The following GRM8 variants were observed in gnomAD, a reference collection of about 807,000 sequenced individuals.
GRM8 encodes metabotropic glutamate receptor 8.
In GRM8, 47 loss-of-function variants were observed where a neutral mutation model predicts 87.2. The ratio of observed to expected loss-of-function variants is 0.54; its 90% CI spans 0.43 to 0.69. The LOEUF (loss-of-function observed/expected upper bound fraction) is 0.69, where lower values mean the gene tolerates loss of function less well. Among genes scored for constraint, GRM8 ranks in the 30% least tolerant of loss-of-function variants. The pLI is 0.00. For missense variants in GRM8, 1,019 were observed against 1,139.2 expected, an observed-to-expected ratio of 0.89 and a Z score of 1.52; for synonymous variants, 396 against 404.5, an observed-to-expected ratio of 0.98 and a Z score of 0.25.
At chr7:127,022,687 C>T (rs1429723277) in intron 3 of GRM8, among the ~76,000 whole-genome samples, 1 of 151,910 alleles carries the variant, frequency 6.6e-6, no homozygotes, top group African/African-American at 2.4e-5. Flanking sequence ...ATACTTTTTA[C>T]TAATCAAAAA....
intron 7 of GRM8, among the ~76,000 whole-genome samples, chr7:126,693,498 A>G (rs1248891974): frequency 6.6e-6 from 1 of 152,190 alleles, no homozygotes; most frequent in Admixed American, 6.5e-5. Flanking sequence ...GTGTATTAGC[A>G]TGGTCTCATT....
chr7:126,573,272 C>A (rs1358304194), intron 8 of GRM8, among the ~76,000 whole-genome samples: 2 of 152,010 alleles, frequency 1.3e-5, no homozygotes, highest in Non-Finnish European at 2.9e-5. Context: ...GGATAGAATG[C>A]CAGTGTTCAC....
intron 2 of GRM8, among the ~76,000 whole-genome samples, chr7:127,198,669 A>ATT (rs113555701): frequency 6.9e-6 from 1 of 144,540 alleles, no homozygotes; most frequent in Admixed American, 7.0e-5. Flanking sequence ...ATAGAAATGA[A>ATT]TTTTTTTTTT....
At chr7:126,697,339 G>A (rs1809495848) in intron 7 of GRM8, among the ~76,000 whole-genome samples, 1 of 152,100 alleles carries the variant, frequency 6.6e-6, no homozygotes, top group African/African-American at 2.4e-5. Flanking sequence ...GAGGACTACA[G>A]CTAATAATTT....
intron 7 of GRM8, among the ~76,000 whole-genome samples, chr7:126,682,658 C>T (rs1807729286): frequency 6.6e-6 from 1 of 152,224 alleles, no homozygotes; most frequent in African/African-American, 2.4e-5. Context: ...TACCTATTGT[C>T]TATGGCTGTT....
At chr7:126,633,433 T>C (rs1801540249) in intron 7 of GRM8, among the ~76,000 whole-genome samples, 1 of 152,174 alleles carries the variant, frequency 6.6e-6, no homozygotes, top group Admixed American at 6.6e-5. Context: ...TGATGAGCGC[T>C]AGCATCAATG....
chr7:126,728,780 G>C (rs1294181806), intron 7 of GRM8, among the ~76,000 whole-genome samples: 1 of 152,152 alleles, frequency 6.6e-6, no homozygotes, highest in Non-Finnish European at 1.5e-5. Flanking sequence ...TGGTCCAGGG[G>C]AGGCTTCCTG....
intron 6 of GRM8, among the ~76,000 whole-genome samples, chr7:126,841,636 T>A (rs1348926623): frequency 2.6e-5 from 4 of 151,812 alleles, no homozygotes; most frequent in Non-Finnish European, 5.9e-5. Context: ...ATTATTATTT[T>A]TTTTTTTTTG....
In GRM8 at chr7:126,974,330, G is replaced by T. The variant is rs147140189; in HGVS notation, c.728-69647C>A. ...ATTGGGCATTTGCGTTAAATAAGTA[G>T]ATTTAGTTGCCTGCTTTTGTCATCA... On this transcript the variant is annotated intron_variant, in intron 3 of 10. Coordinates refer to ENST00000339582, the MANE Select transcript of GRM8 (RefSeq NM_000845.3). 6.1e-3 allele frequency among the ~76,000 whole-genome samples: 929 copies of T among 152,212 alleles called. 10 individuals carry two copies. The highest frequency in any genetic ancestry group is 0.021 in the African/African-American group (873 of 41,508).
At position 126,659,099 on chromosome 7, in the gene GRM8, C is replaced by T. The variant is rs377318736; in HGVS notation, c.1358-49601G>A. Among the ~76,000 whole-genome samples, 19 of 142,024 alleles carry T rather than the reference C, an allele frequency of 1.3e-4. No individual in the cohort carries two copies. The South Asian group carries it at 4.1e-3, about 31-fold the overall frequency. The allele number at this position is 142,024 out of a possible 152,430, so 93.2% of individuals were successfully genotyped here. ...TAACTTACCTTGATCAATTCTCTTA[C>T]ACTTCCTTGTTATCTACTCTTAGAG... is the stretch of plus-strand genomic sequence containing the variant. On this transcript the variant is annotated intron_variant, in intron 7 of 10. Transcript: ENST00000339582.
At chr7:126,694,124 A>G (rs1309239439) in intron 7 of GRM8, among the ~76,000 whole-genome samples, 3 of 151,710 alleles carry the variant, frequency 2.0e-5, no homozygotes, top group Admixed American at 2.0e-4. Flanking sequence ...ATATATAGTT[A>G]TATTTATTAA....
chr7:126,783,306 C>G (rs931688987), intron 6 of GRM8, among the ~76,000 whole-genome samples: 2 of 152,166 alleles, frequency 1.3e-5, no homozygotes, highest in Non-Finnish European at 2.9e-5. Flanking sequence ...ACCAACCTAA[C>G]CTGAATTTCT....
chr7:126,744,848 A>G (rs1048509021), intron 7 of GRM8, among the ~76,000 whole-genome samples: 1 of 151,992 alleles, frequency 6.6e-6, no homozygotes, highest in African/African-American at 2.4e-5. Flanking sequence ...GTCTTCTAGT[A>G]ATCCAGACAT....
intron 3 of GRM8, among the ~76,000 whole-genome samples, chr7:127,078,475 G>A (rs900307584): frequency 1.3e-5 from 2 of 152,224 alleles, no homozygotes; most frequent in African/African-American, 4.8e-5. Context: ...CAGAAGAGTG[G>A]CGATTATCAT....
chr7:127,230,888 G>A (rs1267524892), intron 2 of GRM8, among the ~76,000 whole-genome samples: 1 of 152,184 alleles, frequency 6.6e-6, no homozygotes, highest in East Asian at 1.9e-4. Context: ...TAACAGAGCT[G>A]ATTGAGAAAC....
intron 6 of GRM8, among the ~76,000 whole-genome samples, chr7:126,842,060 C>G (rs1042649006): frequency 2.0e-5 from 3 of 151,166 alleles, no homozygotes; most frequent in Admixed American, 2.0e-4. Flanking sequence ...AACCATTTAA[C>G]GTTTTTGCCA....
chr7:126,980,895 T>C (rs1477865913), intron 3 of GRM8: 1 of 152,228 alleles, frequency 6.6e-6, no homozygotes, highest in Non-Finnish European at 1.5e-5. Flanking sequence ...CTTTTAAAAG[T>C]GCCAGTCATT....
intron 3 of GRM8, among the ~76,000 whole-genome samples, chr7:127,028,700 T>C (rs1817053708): frequency 6.6e-6 from 1 of 152,204 alleles, no homozygotes; most frequent in Admixed American, 6.5e-5. Flanking sequence ...TCATTTTTTA[T>C]TGCATCTATT....
At chr7:127,026,517 C>A (rs1432091704) in intron 3 of GRM8, among the ~76,000 whole-genome samples, 3 of 152,124 alleles carry the variant, frequency 2.0e-5, no homozygotes, top group Admixed American at 6.5e-5. Flanking sequence ...TCTGTTGTTT[C>A]CTGACGTTTT....
Sources: allele counts gnomAD v4.1 joint callset (sites outside exome capture counted in the v4.1 genomes callset), GRCh38; gene constraint gnomAD v4.1.1; transcripts MANE v1.5; gene names NCBI Gene and HGNC (gene_info 2026-07-23, HGNC 2026-07-21).